COL20A1: variants seen among roughly 807,000 people sequenced by gnomAD.
COL20A1 encodes the protein collagen type XX alpha 1 chain, also known as collagen alpha-1(XX) chain.
COL20A1 carries 164 observed loss-of-function variants against 152.9 expected under a neutral mutation model. The ratio of observed to expected loss-of-function variants is 1.07; its 90% CI spans 0.94 to 1.22. The LOEUF (loss-of-function observed/expected upper bound fraction) is 1.22, where lower values mean the gene tolerates loss of function less well. COL20A1 is among the 50% of genes most tolerant of loss of function. The probability of loss-of-function intolerance (pLI) is 0.00; values close to 1 mark genes in which losing one functional copy is unlikely to be tolerated. For missense variants in COL20A1, 1,873 were observed against 1,744.8 expected (o/e 1.07, Z -1.31); for synonymous variants, 864 against 756.0 (o/e 1.14, Z -2.34).
At chr20:63,307,151 G>A (rs1324889189) in intron 5 of COL20A1, among the ~76,000 whole-genome samples, 1 of 152,240 alleles carries the variant, frequency 6.6e-6, no homozygotes, top group Non-Finnish European at 1.5e-5. Flanking sequence ...GCTCACGGCG[G>A]CTCTGCTGGG....
intron 8 of COL20A1, 43 bp from the exon 9 acceptor site, chr20:63,309,290 T>C (rs775078885): frequency 3.6e-6 from 5 of 1,375,266 alleles, no homozygotes; most frequent in Non-Finnish European, 3.8e-6. Context: ...CCCCGTCGGG[T>C]GACCCCAGTG....
Position 63,305,049 on chromosome 20 carries a change from T to C in COL20A1, c.194-368T>C, listed in dbSNP as rs1057030470. 1.3e-5 allele frequency among the ~76,000 whole-genome samples: 2 copies of C among 152,170 alleles called. No homozygotes were observed. Among genetic ancestry groups the C allele is most frequent in the African/African-American group, 2.4e-5 (1 of 41,434 alleles). The stretch of plus-strand genomic sequence containing the variant: ...GAGCCTGTGGGAGTGGGCAGGGCCC[T>C]GGCCCCGGACTCTTCCTTCTTGGAC... On this transcript the variant is annotated intron_variant, in intron 3 of 35. Coordinates refer to ENST00000358894, the MANE Select transcript of COL20A1 (RefSeq NM_020882.4). The surrounding 1 kb of genome is among the most constrained non-coding windows in gnomAD (Gnocchi z 4.9).
chr20:63,302,623 G>C (rs1190110618), intron 3 of COL20A1, among the ~76,000 whole-genome samples: 1 of 152,154 alleles, frequency 6.6e-6, no homozygotes, highest in Non-Finnish European at 1.5e-5. Flanking sequence ...GCCTGGTCTT[G>C]ATGCATGTCT....
Position 63,328,417 on chromosome 20 carries a change from C to T in COL20A1, c.3700C>T (p.Pro1234Ser), listed in dbSNP as rs561932418. 12 of 1,612,300 alleles carry T rather than the reference C, an allele frequency of 7.4e-6. No individual in the cohort carries two copies. In the East Asian group the frequency reaches 2.7e-4, roughly 36 times the overall value. Residue 1234 changes from proline to serine, a missense_variant, in exon 34 of 36, where the codon CCC becomes TCC. Physicochemically the swap from Pro to Ser is moderately conservative, Grantham distance 74. Coordinates refer to ENST00000358894, the MANE Select transcript of COL20A1 (RefSeq NM_020882.4). Reference sequence around the variant, plus strand: ...GCAGAAGCTGGAGCCGGGCACTGAGCCCCTGGGGTCCCCTGGCACCCGCAG... The same window carrying T: ...GCAGAAGCTGGAGCCGGGCACTGAGTCCCTGGGGTCCCCTGGCACCCGCAG... ...LEQKLEPGTEPLGSPGTRSKA... is the reference protein window; with the variant it reads ...LEQKLEPGTESLGSPGTRSKA...
intron 3 of COL20A1, among the ~76,000 whole-genome samples, chr20:63,302,980 G>A (rs983140643): frequency 3.3e-5 from 5 of 152,248 alleles, no homozygotes; most frequent in East Asian, 1.9e-4. Context: ...CACAGCTGGC[G>A]GTACATAATG....
intron 31 of COL20A1, 188 bp from the exon 32 acceptor site, chr20:63,327,753 AGCCTCTCACAT>A (rs1480724693): frequency 5.9e-5 from 36 of 605,884 alleles, no homozygotes; most frequent in Non-Finnish European, 9.1e-5. Context: ...TGCAGAACCG[AGCCTCTCACAT>A]GCCTGCTCTC....
chr20:63,327,999 T>C lies in COL20A1; in HGVS notation c.3564+12T>C, dbSNP rs2068276552. 3 of 1,610,078 alleles carry C rather than the reference T, an allele frequency of 1.9e-6. No individual in the cohort carries two copies. In the South Asian group the frequency reaches 3.3e-5, roughly 18 times the overall value. On this transcript the variant is annotated intron_variant, in intron 32 of 35. Coordinates refer to ENST00000358894, the MANE Select transcript of COL20A1 (RefSeq NM_020882.4). ...AACGAGGAGAGAAGGTAAGTGAGGC[T>C]GAGATCTTTGGCTCACTTGGGATCT...
Position 63,321,069 on chromosome 20 carries a change from C to T in COL20A1, c.3210C>T (p.Thr1070=), listed in dbSNP as rs1312022870. The T allele has an allele frequency of 6.2e-7, 1 of 1,601,876 alleles. No individual in the cohort carries two copies. Among genetic ancestry groups the T allele is most frequent in the South Asian group, 1.1e-5 (1 of 88,368 alleles). The change falls in exon 26 of 36, where the codon ACC becomes ACT. Residue 1070 remains threonine, a synonymous_variant. Transcript: ENST00000358894. ...FVSACSCSSE[T]PGPPGPQGPP... ...CTGCCTGTTCCTGTTCCTCAGAGACCCCTGGGCCCCCAGGACCTCAAGGAC... is the reference window on the plus strand; with the variant it reads ...CTGCCTGTTCCTGTTCCTCAGAGACTCCTGGGCCCCCAGGACCTCAAGGAC...
At chr20:63,315,171 T>G (rs2068068737) in intron 19 of COL20A1, among the ~76,000 whole-genome samples, 1 of 152,258 alleles carries the variant, frequency 6.6e-6, no homozygotes, top group Non-Finnish European at 1.5e-5. Context: ...TGGGGGCAGC[T>G]GCTTCACTCA....
Position 63,307,539 on chromosome 20 carries a change from C to T in COL20A1, c.546C>T (p.Phe182=), listed in dbSNP as rs1040226762. 2 of 1,612,604 alleles carry T rather than the reference C, an allele frequency of 1.2e-6. No homozygotes were observed. The highest frequency in any genetic ancestry group is 1.7e-6 in the Non-Finnish European group (2 of 1,179,700). ...CLPPVPADMV[F]LVDGSWSIGH... is the part of the protein sequence containing the mutation. ...CCCCCGTGCCTGCTGACATGGTCTTCCTGGTGGACGGGTCCTGGAGCATTG... is the reference window on the plus strand; with the variant it reads ...CCCCCGTGCCTGCTGACATGGTCTTTCTGGTGGACGGGTCCTGGAGCATTG... The change falls in exon 6 of 36, where the codon TTC becomes TTT. Residue 182 remains phenylalanine, a synonymous_variant. Transcript: ENST00000358894.
intron 31 of COL20A1, among the ~76,000 whole-genome samples, chr20:63,327,048 TGGACTTCCTGTTGACCACCCAA>T (rs1156567084): frequency 6.6e-6 from 1 of 151,794 alleles, no homozygotes; most frequent in Non-Finnish European, 1.5e-5. Context: ...TGACAGCCCA[TGGACTTCCTGTTGACCACCCAA>T]GGACTTCCTG....
Position 63,295,186 on chromosome 20 carries a change from C to A in COL20A1, c.79C>A (p.Gln27Lys). ...CGCCACCCTGGGAAGAGAGCAAGTTCAAGGTAAGGACACTGGCAGTGGGCC... is the reference window on the plus strand; with the variant it reads ...CGCCACCCTGGGAAGAGAGCAAGTTAAAGGTAAGGACACTGGCAGTGGGCC... ...LGATLGREQV[Q>K]ASGLLRLAVL... is the part of the protein sequence containing the mutation. The change falls in exon 2 of 36, where the codon CAA becomes AAA. Residue 27 changes from glutamine to lysine, a missense_variant. Transcript: ENST00000358894. 6.4e-7 allele frequency: 1 copy of A among 1,552,064 alleles called. No individual in the cohort carries two copies. Among genetic ancestry groups the A allele is most frequent in the Non-Finnish European group, 8.7e-7 (1 of 1,147,552 alleles).
At chr20:63,307,949 T>C in intron 6 of COL20A1, 22 bp from the exon 7 acceptor site, 1 of 1,610,650 alleles carries the variant, frequency 6.2e-7, no homozygotes, top group Non-Finnish European at 8.5e-7. Context: ...ACTCAGCCCG[T>C]GGCCATGCCC....
At chr20:63,317,345 A>G (rs2068097318) in intron 21 of COL20A1, among the ~76,000 whole-genome samples, 1 of 151,678 alleles carries the variant, frequency 6.6e-6, no homozygotes, top group African/African-American at 2.4e-5. Context: ...AGGCACCTGT[A>G]TTCCCAGCTA....
At chr20:63,323,362 G>A (rs1225085536) in intron 27 of COL20A1, among the ~76,000 whole-genome samples, 1 of 152,204 alleles carries the variant, frequency 6.6e-6, no homozygotes, top group Admixed American at 6.5e-5. Context: ...CTTTTACGTA[G>A]TCCATGTTAC....
rs531845900 is a variant in COL20A1 at position 63,302,902 on chromosome 20, G to C, written c.194-2515G>C. Reference sequence around the variant, plus strand: ...CAGTTACATCCTGGAAGTTTGGTCAGACTCAAGTTTGATTATATTTGTTAA... The same window carrying C: ...CAGTTACATCCTGGAAGTTTGGTCACACTCAAGTTTGATTATATTTGTTAA... On this transcript the variant is annotated intron_variant, in intron 3 of 35. Coordinates refer to ENST00000358894, the MANE Select transcript of COL20A1 (RefSeq NM_020882.4). Among the ~76,000 whole-genome samples, 106 of 152,292 alleles carry C rather than the reference G, an allele frequency of 7.0e-4. 1 individual carries two copies. Among genetic ancestry groups the C allele is most frequent in the African/African-American group, 2.4e-3 (100 of 41,552 alleles).
chr20:63,294,070 G>A (rs959108518), intron 1 of COL20A1, among the ~76,000 whole-genome samples: 1 of 128,520 alleles, frequency 7.8e-6, no homozygotes, highest in African/African-American at 3.1e-5. Flanking sequence ...CTGAAGGCCC[G>A]AGTTGGTGCG....
intron 28 of COL20A1, 41 bp from the exon 29 acceptor site, chr20:63,325,627 A>G: frequency 1.3e-6 from 2 of 1,586,504 alleles, no homozygotes; most frequent in Non-Finnish European, 1.7e-6. Context: ...TCTGGATGTG[A>G]CCCTGGCCCC....
At chr20:63,317,741 T>TG (rs2068103546) in intron 21 of COL20A1, among the ~76,000 whole-genome samples, 1 of 149,730 alleles carries the variant, frequency 6.7e-6, no homozygotes, top group African/African-American at 2.5e-5. Flanking sequence ...TTGCTGCACA[T>TG]GCCCCCTGTG....
Sources: gnomAD v4.1 joint callset for allele counts (sites outside exome capture counted in the v4.1 genomes callset) on GRCh38, gnomAD v4.1.1 for gene constraint, Gnocchi (gnomAD v3.1) non-coding constraint, MANE v1.5 for transcripts, NCBI Gene and HGNC (gene_info 2026-07-23, HGNC 2026-07-21) for gene names.